TTC9: variants seen among roughly 807,000 people sequenced by gnomAD.
TTC9 encodes the protein tetratricopeptide repeat domain 9.
Under a neutral mutation model 22.9 loss-of-function variants are expected in TTC9, and 13 were observed. The observed-to-expected ratio is 0.57, with a 90% CI of 0.37 to 0.90. The LOEUF is 0.90. TTC9 is among the 40% of genes least tolerant of loss of function. The pLI is 0.01. For synonymous variants in TTC9, 148 were observed against 133.2 expected, an observed-to-expected ratio of 1.11 and a Z score of -0.77; for missense variants, 280 against 291.8, an observed-to-expected ratio of 0.96 and a Z score of 0.29.
intron 1 of TTC9, among the ~76,000 whole-genome samples, chr14:70,651,957 T>TAA (rs111278246): frequency 2.8e-5 from 4 of 144,566 alleles, no homozygotes; most frequent in South Asian, 2.2e-4. Flanking sequence ...CTTTCTGGTT[T>TAA]AAAAAAAAAA....
chr14:70,665,210 C>T (rs923944361), intron 1 of TTC9, among the ~76,000 whole-genome samples: 10 of 152,268 alleles, frequency 6.6e-5, no homozygotes, highest in African/African-American at 2.2e-4. Flanking sequence ...GGCTGCTAGG[C>T]CCGGTCAGAG....
At chr14:70,655,894 A>C (rs1474514712) in intron 1 of TTC9, among the ~76,000 whole-genome samples, 1 of 152,050 alleles carries the variant, frequency 6.6e-6, no homozygotes, top group Non-Finnish European at 1.5e-5. Context: ...TGGACCACTC[A>C]CATTTTTTGG....
rs1282163886 is a variant in TTC9 at position 70,673,673 on chromosome 14, C to T, written c.*2518C>T. ...AGGATGAAGAGAAGGGTAGAGGTCA[C>T]CTGGAGAATGAGTTCAAACTGCCAG... is the stretch of plus-strand genomic sequence containing the variant. On this transcript the variant is annotated 3_prime_UTR_variant, in exon 3 of 3. Coordinates refer to ENST00000256367, the MANE Select transcript of TTC9 (RefSeq NM_015351.2). 1 of 150,724 alleles carries T rather than the reference C, an allele frequency of 6.6e-6. No individual in the cohort carries two copies. Among genetic ancestry groups the T allele is most frequent in the Middle Eastern group, 3.4e-3 (1 of 294 alleles). The allele number at this position is 150,724 out of a possible 1,614,324, so 9.3% of individuals were successfully genotyped here.
intron 1 of TTC9, among the ~76,000 whole-genome samples, chr14:70,656,650 T>G (rs1468662032): frequency 6.6e-6 from 1 of 152,238 alleles, no homozygotes; most frequent in Non-Finnish European, 1.5e-5. Context: ...GATAGAACTC[T>G]GGCTTCTAAG....
chr14:70,657,040 C>G (rs1463117691), intron 1 of TTC9, among the ~76,000 whole-genome samples: 8 of 152,210 alleles, frequency 5.3e-5, no homozygotes, highest in Non-Finnish European at 1.0e-4. Flanking sequence ...GGCATTACAA[C>G]TCCCTTGGGC....
intron 1 of TTC9, among the ~76,000 whole-genome samples, chr14:70,658,506 G>A (rs533831859): frequency 6.6e-6 from 1 of 152,298 alleles, no homozygotes; most frequent in South Asian, 2.1e-4. Context: ...TCATTAGAGA[G>A]ACCCCCTAAC....
intron 1 of TTC9, among the ~76,000 whole-genome samples, chr14:70,654,217 C>T (rs1886025787): frequency 6.6e-6 from 1 of 152,130 alleles, no homozygotes; most frequent in South Asian, 2.1e-4. Flanking sequence ...TCCCTTTTCA[C>T]ACCTCTCCTC....
intron 1 of TTC9, among the ~76,000 whole-genome samples, chr14:70,663,500 T>C (rs1032766416): frequency 3.9e-5 from 6 of 152,226 alleles, no homozygotes. Context: ...TCAATAGTGC[T>C]GAGGCTGAGA....
intron 1 of TTC9, among the ~76,000 whole-genome samples, chr14:70,663,182 T>C (rs146648159): frequency 1.2e-3 from 179 of 152,270 alleles, no homozygotes; most frequent in Non-Finnish European, 1.9e-3. Flanking sequence ...TTTTTTACCC[T>C]TCCCTCTGGT....
rs1886308003 is a variant in TTC9 at position 70,672,253 on chromosome 14, T to A, written c.*1098T>A. The A allele has an allele frequency of 6.6e-6, 1 of 152,268 alleles. No homozygotes were observed. The highest frequency in any genetic ancestry group is 2.4e-5 in the African/African-American group (1 of 41,472). 9.4% of individuals were successfully genotyped at this position (152,268 alleles called of 1,614,324 possible). A position where few individuals can be genotyped will look rare whatever the true frequency, so the allele number is the denominator to read the frequency against. ...TGGCTTTGTCAGAACTTGTACAATC[T>A]TCTTTTGATGAAATTATCTGAACTC... On this transcript the variant is annotated 3_prime_UTR_variant, in exon 3 of 3. Transcript: ENST00000256367.
At position 70,667,567 on chromosome 14, in the gene TTC9, G is replaced by T. The variant is rs1295340615; in HGVS notation, c.410G>T (p.Cys137Phe). ...EIDCYNSLAA[C>F]LLQAELVNYE... The stretch of plus-strand genomic sequence containing the variant: ...TTTTCCCTCCCTTCCTCCATAGCCT[G>T]CCTGCTCCAGGCTGAGCTGGTAAAC... Residue 137 changes from cysteine to phenylalanine, a missense_variant, in exon 2 of 3, where the codon TGC becomes TTC. Cys to Phe is a radical substitution (Grantham distance 205). Transcript: ENST00000256367. The T allele has an allele frequency of 6.2e-7, 1 of 1,613,958 alleles. No homozygotes were observed. The highest frequency in any genetic ancestry group is 8.5e-7 in the Non-Finnish European group (1 of 1,179,898).
chr14:70,668,429 A>G (rs60639102), intron 2 of TTC9, among the ~76,000 whole-genome samples: 7,480 of 152,310 alleles, frequency 0.049, 486 homozygotes, highest in East Asian at 0.2. Context: ...GACAGAACCC[A>G]GGGAGGGGCT....
intron 1 of TTC9, among the ~76,000 whole-genome samples, chr14:70,662,367 C>A (rs1438077377): frequency 6.7e-6 from 1 of 149,980 alleles, no homozygotes; most frequent in African/African-American, 2.5e-5. Flanking sequence ...ACCCCAGTGC[C>A]ATGACTTGGG....
At chr14:70,659,120 A>ACACACACACG (rs1491246365) in intron 1 of TTC9, among the ~76,000 whole-genome samples, 12,765 of 109,550 alleles carry the variant, frequency 0.12, 644 homozygotes, top group Non-Finnish European at 0.15. Flanking sequence ...ATATAACTAA[A>ACACACACACG]CACACACACA....
rs1302115949 is a variant in TTC9, at chr14:70,642,227, G to A, written c.98G>A (p.Gly33Asp). 7.6e-7 allele frequency: 1 copy of A among 1,315,776 alleles called. No individual in the cohort carries two copies. The highest frequency in any genetic ancestry group is 9.7e-7 in the Non-Finnish European group (1 of 1,032,454). The allele number at this position is 1,315,776 out of a possible 1,614,324, so 81.5% of individuals were successfully genotyped here. ...CCACCGCCGCCGCTGTGCGTCCCGG[G>A]CGGCGGCGGAGGAGCCCCAGCGAGG... is the stretch of plus-strand genomic sequence containing the variant. ...QRPPPPLCVP[G>D]GGGGAPARGQ... Residue 33 changes from glycine (G) to aspartate (D), a missense_variant, in exon 1 of 3, where the codon GGC (glycine) becomes GAC (aspartate). Gly to Asp is a moderately conservative substitution (Grantham distance 94, BLOSUM62 -1). Transcript: ENST00000256367.
rs979145825 is a variant in TTC9, at chr14:70,674,260, A to G, written c.*3105A>G. On this transcript the variant is annotated 3_prime_UTR_variant, in exon 3 of 3. Transcript: ENST00000256367. The stretch of plus-strand genomic sequence containing the variant: ...ACTTTTGCGATGGACTCTTTGGGGG[A>G]AAAACTAACGCTTTTTAATTATTGT... 1 of 152,098 alleles carries G rather than the reference A, an allele frequency of 6.6e-6. No individual in the cohort carries two copies. Among genetic ancestry groups the G allele is most frequent in the Non-Finnish European group, 1.5e-5 (1 of 68,022 alleles). 9.4% of individuals were successfully genotyped at this position (152,098 alleles called of 1,614,324 possible).
At chr14:70,651,962 A>G (rs1259711838) in intron 1 of TTC9, among the ~76,000 whole-genome samples, 1 of 152,030 alleles carries the variant, frequency 6.6e-6, no homozygotes. Flanking sequence ...TGGTTTAAAA[A>G]AAAAAAAAAT....
intron 2 of TTC9, among the ~76,000 whole-genome samples, chr14:70,669,084 A>G (rs1886255663): frequency 6.6e-6 from 1 of 151,882 alleles, no homozygotes. Flanking sequence ...TGAACCCAGG[A>G]GGCGGAGGTT....
At position 70,671,066 on chromosome 14, in the gene TTC9, C is replaced by G. The variant is rs753621166; in HGVS notation, c.590-10C>G. On this transcript the variant is annotated splice_polypyrimidine_tract_variant and intron_variant, in intron 2 of 2. Coordinates refer to ENST00000256367, the MANE Select transcript of TTC9 (RefSeq NM_015351.2). ...CTGGTGTTCCCTAAGGTTTATTTCT[C>G]TCCTCACAGACACCAACGTGATTCG... 6.2e-7 allele frequency: 1 copy of G among 1,612,948 alleles called. No homozygotes were observed. Among genetic ancestry groups the G allele is most frequent in the Non-Finnish European group, 8.5e-7 (1 of 1,179,180 alleles).
Sources: gnomAD v4.1 joint callset for allele counts (sites outside exome capture counted in the v4.1 genomes callset) on GRCh38, gnomAD v4.1.1 for gene constraint, MANE v1.5 for transcripts, NCBI Gene and HGNC (gene_info 2026-07-23, HGNC 2026-07-21) for gene names.